The following ADAMTS3 variants were observed in gnomAD, a reference collection of about 807,000 sequenced individuals.
ADAMTS3 encodes A disintegrin and metalloproteinase with thrombospondin motifs 3.
In ADAMTS3, 73 loss-of-function variants were observed where a neutral mutation model predicts 129.0. That is an observed-to-expected ratio of 0.57 (90% CI 0.47 to 0.69). The LOEUF (loss-of-function observed/expected upper bound fraction) is 0.69. Ranked by LOEUF, ADAMTS3 falls within the 30% of genes least tolerant of loss-of-function variation. The probability of loss-of-function intolerance (pLI) is 0.00; values close to 1 mark genes in which losing one functional copy is unlikely to be tolerated. For synonymous variants in ADAMTS3, 477 were observed against 510.8 expected (o/e 0.93, Z 0.89); for missense variants, 1,457 against 1,514.5 (o/e 0.96, Z 0.63).
chr4:72,318,442 A>T (rs1719456694), intron 10 of ADAMTS3, 130 bp downstream of exon 10: 3 of 941,272 alleles, frequency 3.2e-6, no homozygotes, highest in Non-Finnish European at 4.7e-6. Flanking sequence ...AGCACACAGC[A>T]ACACAATGAA....
rs558069462 is a variant in ADAMTS3 at position 72,320,061 on chromosome 4, T to C, written c.1103-98A>G. On this transcript the variant is annotated intron_variant, in intron 7 of 21. Coordinates refer to ENST00000286657, the MANE Select transcript of ADAMTS3 (RefSeq NM_014243.3). ...CCTAGGGGGAAAAAAGTAAAAGCCTTTCAGGAAACAGGGGTAGCATTATTT... is the reference window on the plus strand; with the variant it reads ...CCTAGGGGGAAAAAAGTAAAAGCCTCTCAGGAAACAGGGGTAGCATTATTT... 8 of 912,138 alleles carry C rather than the reference T, an allele frequency of 8.8e-6. No individual in the cohort carries two copies. The East Asian group carries it at 2.1e-4, about 24-fold the overall frequency. 56.5% of individuals were successfully genotyped at this position (912,138 alleles called of 1,614,324 possible).
At chr4:72,371,294 T>C (rs1331525126) in intron 4 of ADAMTS3, among the ~76,000 whole-genome samples, 3 of 151,990 alleles carry the variant, frequency 2.0e-5, no homozygotes, top group Non-Finnish European at 2.9e-5. Flanking sequence ...TAACTGATTA[T>C]ATATTTGAAT....
intron 3 of ADAMTS3, among the ~76,000 whole-genome samples, chr4:72,483,193 G>A (rs1719485996): frequency 6.6e-6 from 1 of 151,976 alleles, no homozygotes; most frequent in South Asian, 2.1e-4. Flanking sequence ...TATTGGAAGG[G>A]AAGAAATAAA....
intron 4 of ADAMTS3, 111 bp from the exon 5 acceptor site, chr4:72,339,804 C>T: frequency 2.4e-6 from 2 of 833,168 alleles, no homozygotes; most frequent in Admixed American, 2.4e-5. Context: ...TTCATAATCA[C>T]TGAGATGTTG....
chr4:72,305,124 G>A (rs2109789523), intron 16 of ADAMTS3, among the ~76,000 whole-genome samples: 1 of 152,122 alleles, frequency 6.6e-6, no homozygotes, highest in South Asian at 2.1e-4. Context: ...TTATCTTAGT[G>A]TTCTTATAGG....
intron 3 of ADAMTS3, among the ~76,000 whole-genome samples, chr4:72,487,395 G>C (rs1291479270): frequency 2.0e-5 from 3 of 152,050 alleles, no homozygotes; most frequent in African/African-American, 4.8e-5. Flanking sequence ...CTTCTTAAGA[G>C]GTGGCTTGGA....
chr4:72,397,628 C>T (rs1223006025), intron 4 of ADAMTS3, among the ~76,000 whole-genome samples: 1 of 151,842 alleles, frequency 6.6e-6, no homozygotes, highest in South Asian at 2.1e-4. Context: ...TTTTGGCTGT[C>T]GTAAGACAGG....
At chr4:72,309,074 CT>C (rs1167430318) in intron 15 of ADAMTS3, among the ~76,000 whole-genome samples, 2 of 151,836 alleles carry the variant, frequency 1.3e-5, no homozygotes, top group Non-Finnish European at 2.9e-5. Context: ...AACACCAATT[CT>C]AATAATTCAA....
intron 4 of ADAMTS3, among the ~76,000 whole-genome samples, chr4:72,354,422 C>A (rs973435064): frequency 1.3e-5 from 2 of 151,902 alleles, no homozygotes; most frequent in Admixed American, 6.6e-5. Context: ...CACACATTTT[C>A]TTTATTGATT....
intron 2 of ADAMTS3, among the ~76,000 whole-genome samples, chr4:72,555,124 G>A (rs764598944): frequency 3.3e-5 from 5 of 151,586 alleles, no homozygotes; most frequent in Non-Finnish European, 2.9e-5. Flanking sequence ...TCTTTTTCAC[G>A]TCAGACCTAA....
intron 4 of ADAMTS3, among the ~76,000 whole-genome samples, chr4:72,366,719 C>A (rs1720877880): frequency 6.6e-6 from 1 of 151,212 alleles, no homozygotes; most frequent in African/African-American, 2.4e-5. Context: ...CCAAAATTTT[C>A]TAGATAATTG....
chr4:72,294,072 GA>G (rs1718745764), intron 19 of ADAMTS3, among the ~76,000 whole-genome samples: 1 of 151,884 alleles, frequency 6.6e-6, no homozygotes, highest in Non-Finnish European at 1.5e-5. Context: ...AAAAATACAA[GA>G]AAATCTTCCA....
At chr4:72,530,215 A>C (rs1165520101) in intron 3 of ADAMTS3, among the ~76,000 whole-genome samples, 1 of 71,512 alleles carries the variant, frequency 1.4e-5, no homozygotes, top group Non-Finnish European at 2.4e-5. Flanking sequence ...ATGTTATTTT[A>C]ATATATATAT....
At chr4:72,398,900 G>A (rs1721797892) in intron 4 of ADAMTS3, among the ~76,000 whole-genome samples, 1 of 152,102 alleles carries the variant, frequency 6.6e-6, no homozygotes, top group Admixed American at 6.5e-5. Context: ...TACACAGTCT[G>A]GGTTTGATAA....
chr4:72,410,577 A>G (rs1722161562), intron 4 of ADAMTS3, among the ~76,000 whole-genome samples: 1 of 152,168 alleles, frequency 6.6e-6, no homozygotes, highest in Non-Finnish European at 1.5e-5. Flanking sequence ...GAATGATGTC[A>G]TACAAGTTCA....
intron 4 of ADAMTS3, among the ~76,000 whole-genome samples, chr4:72,345,162 C>T (rs1560480809): frequency 1.3e-5 from 2 of 152,086 alleles, no homozygotes; most frequent in Non-Finnish European, 2.9e-5. Flanking sequence ...TATTGTTTTA[C>T]AGTAACAATG....
chr4:72,363,365 T>C (rs1720777531), intron 4 of ADAMTS3, among the ~76,000 whole-genome samples: 1 of 152,106 alleles, frequency 6.6e-6, no homozygotes, highest in African/African-American at 2.4e-5. Flanking sequence ...TTGTAGAATA[T>C]ATCAAAACTA....
At chr4:72,512,677 C>G in intron 3 of ADAMTS3, among the ~76,000 whole-genome samples, 1 of 152,100 alleles carries the variant, frequency 6.6e-6, no homozygotes, top group Non-Finnish European at 1.5e-5. Context: ...GTGCTTATTT[C>G]ACCTTGCATG....
intron 4 of ADAMTS3, among the ~76,000 whole-genome samples, chr4:72,354,325 CTT>C (rs1285479205): frequency 5.3e-5 from 8 of 152,010 alleles, no homozygotes; most frequent in African/African-American, 1.9e-4. Flanking sequence ...CAGATACTGA[CTT>C]GAGTCAAATC....
Sources: allele counts gnomAD v4.1 joint callset (sites outside exome capture counted in the v4.1 genomes callset), GRCh38; gene constraint gnomAD v4.1.1; transcripts MANE v1.5; gene names NCBI Gene and HGNC (gene_info 2026-07-23, HGNC 2026-07-21).